Variants in ARSG observed in about 807,000 individuals in gnomAD.
The protein encoded by ARSG is arylsulfatase G, also known as ASG.
In ARSG, 37 loss-of-function variants were observed where a neutral mutation model predicts 50.5. That is an observed-to-expected ratio of 0.73 (90% confidence interval 0.56 to 0.96). The LOEUF is 0.96. Ranked by LOEUF, ARSG falls within the 50% of genes least tolerant of loss-of-function variation. ARSG has a pLI of 0.00. For synonymous variants in ARSG, 225 were observed against 254.6 expected, an observed-to-expected ratio of 0.88 and a Z score of 1.11; for missense variants, 629 against 675.3, an observed-to-expected ratio of 0.93 and a Z score of 0.76.
At chr17:68,263,186 G>A (rs560355081) in intron 1 of ARSG, among the ~76,000 whole-genome samples, 2 of 152,162 alleles carry the variant, frequency 1.3e-5, no homozygotes, top group Non-Finnish European at 2.9e-5. Flanking sequence ...ACATGGAAAG[G>A]GAAGTTGTAA....
chr17:68,397,691 T>C (rs1267297266), intron 10 of ARSG, among the ~76,000 whole-genome samples: 2 of 152,230 alleles, frequency 1.3e-5, no homozygotes, highest in African/African-American at 2.4e-5. Flanking sequence ...TGTGCATACG[T>C]CTATACATGT....
Position 68,271,331 on chromosome 17 carries a change from T to C in ARSG, c.-552+11905T>C. 6.2e-7 allele frequency: 1 copy of C among 1,614,244 alleles called. No individual in the cohort carries two copies. The highest frequency in any genetic ancestry group is 8.5e-7 in the Non-Finnish European group (1 of 1,180,042). On this transcript the variant is annotated intron_variant, in intron 1 of 11. Transcript: ENST00000448504. This position sits in a 1 kb window ranked among gnomAD's most constrained non-coding sequence, Gnocchi z 5.3. ...TCTAATAGCGGGGCTTTCTTTTCGC[T>C]TGGCCTGGGGCTGGTCTTCACCAGG...
chr17:68,436,110 G>A, the ARSG span, among the ~76,000 whole-genome samples: 1 of 152,230 alleles, frequency 6.6e-6, no homozygotes, highest in African/African-American at 2.4e-5. Context: ...ATGGGACAGG[G>A]TGACACATTC....
At position 68,378,367 on chromosome 17, in the gene ARSG, C is replaced by T. The variant is rs1038440325; in HGVS notation, c.983-6697C>T. Among the ~76,000 whole-genome samples, 1 of 152,238 alleles carries T rather than the reference C, an allele frequency of 6.6e-6. No homozygotes were observed. The highest frequency in any genetic ancestry group is 1.5e-5 in the Non-Finnish European group (1 of 68,046). ...TTCCCCTGTTCTCAGGGCCCCCAGG[C>T]CCCCCTGCTTGTCTTCCCTTTCCTT... On this transcript the variant is annotated intron_variant, in intron 8 of 11. Transcript: ENST00000621439. This position sits in a 1 kb window ranked among gnomAD's most constrained non-coding sequence, Gnocchi z 4.4.
intron 6 of ARSG, among the ~76,000 whole-genome samples, chr17:68,360,527 G>A (rs551083034): frequency 1.2e-4 from 19 of 152,328 alleles, no homozygotes; most frequent in African/African-American, 1.9e-4. Flanking sequence ...GACCCTCGAC[G>A]TAGTACTTGG....
chr17:68,308,451 T>A (rs1555765249), intron 2 of ARSG, among the ~76,000 whole-genome samples: 1 of 152,038 alleles, frequency 6.6e-6, no homozygotes, highest in Non-Finnish European at 1.5e-5. Flanking sequence ...TCTGGAGTTG[T>A]TCGTTCCTCC....
Position 68,414,661 on chromosome 17 carries a change from T to TTTGTTG in ARSG, c.1304-5515_1304-5510dup, listed in dbSNP as rs370892083. On this transcript the variant is annotated intron_variant, in intron 11 of 11. Transcript: ENST00000621439. ...CTGTGGATCCATCTGGTCCTAGACT[T>TTTGTTG]TTGTTGTTGTTGTTGTTGGTAATTT... 8.9e-3 allele frequency among the ~76,000 whole-genome samples: 1,347 copies of TTTGTTG among 152,136 alleles called. 21 individuals are homozygous for TTTGTTG. The highest frequency in any genetic ancestry group is 0.031 in the African/African-American group (1,273 of 41,464).
intron 4 of ARSG, among the ~76,000 whole-genome samples, chr17:68,348,851 G>T (rs530741122): frequency 5.9e-5 from 9 of 152,292 alleles, no homozygotes; most frequent in Non-Finnish European, 1.0e-4. Context: ...CGCTCCTCTT[G>T]CTGCCCTGGG....
At chr17:68,426,253 G>GGGA (rs1397110340), downstream of ARSG, 2 of 841,014 alleles carry the variant, frequency 2.4e-6, no homozygotes, top group South Asian at 1.3e-5. Context: ...GGGGAGCGGG[G>GGGA]GCTCAAATAA....
intron 5 of ARSG, among the ~76,000 whole-genome samples, chr17:68,354,732 A>C (rs1050486417): frequency 7.9e-5 from 12 of 152,048 alleles, no homozygotes; most frequent in Non-Finnish European, 1.0e-4. Context: ...AAAAATACAA[A>C]AATTAGCCAG....
chr17:68,376,463 A>T (rs754463559), intron 8 of ARSG, among the ~76,000 whole-genome samples: 1 of 150,486 alleles, frequency 6.6e-6, no homozygotes, highest in Admixed American at 6.6e-5. Context: ...ACCTTTTAAA[A>T]TTTTTTTTGT....
intron 11 of ARSG, among the ~76,000 whole-genome samples, chr17:68,418,791 A>G (rs143772253): frequency 2.3e-3 from 345 of 152,276 alleles, no homozygotes; most frequent in African/African-American, 7.7e-3. Flanking sequence ...GAGCCACTGG[A>G]AGAATTTCTC....
chr17:68,352,227 C>G (rs75277760), intron 5 of ARSG, among the ~76,000 whole-genome samples: 2,192 of 151,788 alleles, frequency 0.014, 65 homozygotes, highest in African/African-American at 0.051. Flanking sequence ...TTGAGCTTCT[C>G]CCCGCATGGA....
the ARSG span, among the ~76,000 whole-genome samples, chr17:68,437,016 ATG>A: frequency 2.1e-5 from 3 of 144,554 alleles, no homozygotes; most frequent in South Asian, 2.2e-4. Flanking sequence ...ATATATATAT[ATG>A]TGTGTGTGTG....
intron 2 of ARSG, among the ~76,000 whole-genome samples, chr17:68,323,666 G>A (rs1407754516): frequency 6.6e-6 from 1 of 152,180 alleles, no homozygotes; most frequent in Non-Finnish European, 1.5e-5. Flanking sequence ...ACACACTGGG[G>A]ATTCGGGTTT....
At chr17:68,376,276 C>CG (rs149045241) in intron 8 of ARSG, among the ~76,000 whole-genome samples, 2,370 of 131,936 alleles carry the variant, frequency 0.018, 202 homozygotes, top group African/African-American at 0.061. Flanking sequence ...GCGCCCCCTG[C>CG]ATTTTTTTTT....
At chr17:68,433,760 GTTTTTTTTTTTTTTT>G in the ARSG span, among the ~76,000 whole-genome samples, 12 of 72,822 alleles carry the variant, frequency 1.6e-4, no homozygotes, top group East Asian at 6.0e-4. Context: ...AAGGGTCATA[GTTTTTTTTTTTTTTT>G]TTTTTTTTTT....
chr17:68,375,046 C>T (rs1005403652), intron 8 of ARSG, among the ~76,000 whole-genome samples: 2 of 152,112 alleles, frequency 1.3e-5, no homozygotes, highest in Admixed American at 1.3e-4. Flanking sequence ...CAAAGATCAA[C>T]AAAGCCCCAG....
chr17:68,281,334 T>C (rs557962692), intron 1 of ARSG, among the ~76,000 whole-genome samples: 41 of 152,108 alleles, frequency 2.7e-4, no homozygotes, highest in African/African-American at 9.4e-4. Context: ...TTTGGGAGCC[T>C]GAGGCAGGTG....
Sources: allele counts gnomAD v4.1 joint callset (sites outside exome capture counted in the v4.1 genomes callset), GRCh38; gene constraint gnomAD v4.1.1; non-coding constraint Gnocchi (gnomAD v3.1); transcripts MANE v1.5; gene names NCBI Gene and HGNC (gene_info 2026-07-23, HGNC 2026-07-21).